SLC6A11: variants seen among roughly 807,000 people sequenced by gnomAD.
SLC6A11 encodes solute carrier family 6 member 11.
SLC6A11 carries 25 observed loss-of-function variants against 74.8 expected under a neutral mutation model. The observed-to-expected ratio is 0.33, with a 90% CI of 0.24 to 0.47. The LOEUF is 0.47. Among genes scored for constraint, SLC6A11 ranks in the 20% least tolerant of loss-of-function variants. The pLI is 1.00. For missense variants in SLC6A11, 574 were observed against 837.0 expected, an observed-to-expected ratio of 0.69 and a Z score of 3.88; for synonymous variants, 330 against 330.2, an observed-to-expected ratio of 1.00 and a Z score of 0.01.
At position 10,840,651 on chromosome 3, in the gene SLC6A11, G is replaced by A. The variant is rs1039644544; in HGVS notation, c.624-3563G>A. Among the ~76,000 whole-genome samples the A allele has an allele frequency of 3.3e-5, 5 of 152,320 alleles. No individual in the cohort carries two copies. In the South Asian group the frequency reaches 6.2e-4, roughly 19 times the overall value. On this transcript the variant is annotated intron_variant, in intron 4 of 13. Transcript: ENST00000254488. ...GGCAGCTTTGGGGTATGCATTTACC[G>A]TAGCTTTAATTTGTTAAGAAGGGAA...
rs190495567 is a variant in SLC6A11, at chr3:10,899,282, G to T, written c.892-12808G>T. On this transcript the variant is annotated intron_variant, in intron 6 of 13. Coordinates refer to ENST00000254488, the MANE Select transcript of SLC6A11 (RefSeq NM_014229.3). ...AGGACTGGAGTTCTCAGCCAGGGAGGAGACTCTTCCACTGTTGACTGTGCC... is the reference window on the plus strand; with the variant it reads ...AGGACTGGAGTTCTCAGCCAGGGAGTAGACTCTTCCACTGTTGACTGTGCC... Among the ~76,000 whole-genome samples the T allele has an allele frequency of 2.2e-3, 332 of 152,270 alleles. 1 individual carries two copies. The highest frequency in any genetic ancestry group is 7.7e-3 in the African/African-American group (319 of 41,560).
intron 6 of SLC6A11, among the ~76,000 whole-genome samples, chr3:10,895,041 T>C (rs1395780940): frequency 6.6e-6 from 1 of 152,202 alleles, no homozygotes; most frequent in Admixed American, 6.5e-5. Flanking sequence ...GGCCTTGTCT[T>C]CTTCCTCTGT....
Position 10,819,847 on chromosome 3 carries a change from A to G in SLC6A11, c.527A>G (p.Asn176Ser), listed in dbSNP as rs200219573. Reference protein sequence around the residue: ...LPWATCGHEWNTENCVEFQKL... With the variant: ...LPWATCGHEWSTENCVEFQKL... ...TGGGCTACCTGTGGGCATGAGTGGA[A>G]CACAGGTATGGCCCCACGGAGGTCT... Residue 176 changes from asparagine (N) to serine (S), a missense_variant, in exon 3 of 14, where the codon AAC (asparagine) becomes AGC (serine). Asn to Ser is a conservative substitution (Grantham distance 46). Around this residue, in one of 4 missense-constraint regions of SLC6A11, gnomAD observed 215 missense variants for 357.9 expected, o/e 0.60. Coordinates refer to ENST00000254488, the MANE Select transcript of SLC6A11 (RefSeq NM_014229.3). 1.2e-6 allele frequency: 2 copies of G among 1,613,936 alleles called. No individual in the cohort carries two copies. Among genetic ancestry groups the G allele is most frequent in the Non-Finnish European group, 1.7e-6 (2 of 1,179,918 alleles).
intron 5 of SLC6A11, among the ~76,000 whole-genome samples, chr3:10,852,058 TAAAAG>T (rs953873830): frequency 6.6e-6 from 1 of 151,956 alleles, no homozygotes; most frequent in Non-Finnish European, 1.5e-5. Context: ...ACTGGGGAAA[TAAAAG>T]GAAGGGATGT....
At chr3:10,848,870 A>G (rs1476909660) in intron 5 of SLC6A11, among the ~76,000 whole-genome samples, 1 of 152,186 alleles carries the variant, frequency 6.6e-6, no homozygotes, top group East Asian at 1.9e-4. Flanking sequence ...TTATTTTACA[A>G]ATAAGGCCCA....
At position 10,855,505 on chromosome 3, in the gene SLC6A11, T is replaced by TATCAGCAGC. The variant is rs1694628533; in HGVS notation, c.756+11161_756+11169dup. ...GTCTCCTCACTCCTGCCATAGCTCTTATCAGCAGCAGCATCCAGCTGAGCA... is the reference window on the plus strand; with the variant it reads ...GTCTCCTCACTCCTGCCATAGCTCTTATCAGCAGCATCAGCAGCAGCATCCAGCTGAGCA... On this transcript the variant is annotated intron_variant, in intron 5 of 13. Transcript: ENST00000254488. Among the ~76,000 whole-genome samples, 3 of 152,196 alleles carry TATCAGCAGC rather than the reference T, an allele frequency of 2.0e-5. No homozygotes were observed. In the South Asian group the frequency reaches 6.2e-4, roughly 32 times the overall value.
At chr3:10,838,256 G>A (rs942942286) in intron 4 of SLC6A11, among the ~76,000 whole-genome samples, 3 of 152,236 alleles carry the variant, frequency 2.0e-5, no homozygotes, top group African/African-American at 7.2e-5. Context: ...GAAGCTTCAG[G>A]TGGGAGACTG....
At chr3:10,908,707 T>C (rs1255196762) in intron 6 of SLC6A11, among the ~76,000 whole-genome samples, 1 of 152,146 alleles carries the variant, frequency 6.6e-6, no homozygotes, top group Non-Finnish European at 1.5e-5. Context: ...GAGTGCTATG[T>C]AAAATTGAGT....
Position 10,826,516 on chromosome 3 carries a change from T to C in SLC6A11, c.623+3124T>C, listed in dbSNP as rs113935725. Among the ~76,000 whole-genome samples the C allele has an allele frequency of 2.6e-3, 395 of 152,362 alleles. 6 individuals carry two copies. Among genetic ancestry groups the C allele is most frequent in the African/African-American group, 9.1e-3 (380 of 41,588 alleles). On this transcript the variant is annotated intron_variant, in intron 4 of 13. Coordinates refer to ENST00000254488, the MANE Select transcript of SLC6A11 (RefSeq NM_014229.3). ...TGTTGTTTTTGCACCACTCATTTCC[T>C]TTGTAACATATATGGAAAACCTTAA...
At chr3:10,892,140 C>A (rs915418265) in intron 6 of SLC6A11, among the ~76,000 whole-genome samples, 10 of 152,230 alleles carry the variant, frequency 6.6e-5, no homozygotes, top group African/African-American at 2.4e-4. Context: ...GTCTTTGATA[C>A]CTCTTAGTTG....
intron 5 of SLC6A11, among the ~76,000 whole-genome samples, chr3:10,862,657 T>A (rs1694716257): frequency 6.6e-6 from 1 of 152,232 alleles, no homozygotes; most frequent in African/African-American, 2.4e-5. Flanking sequence ...TGTAGCACAT[T>A]CTAGATCAGG....
At chr3:10,834,727 A>G (rs1174272508) in intron 4 of SLC6A11, among the ~76,000 whole-genome samples, 1 of 152,128 alleles carries the variant, frequency 6.6e-6, no homozygotes, top group Non-Finnish European at 1.5e-5. Flanking sequence ...GGGCAACCTG[A>G]CCTTTTCACT....
chr3:10,863,436 A>G (rs1019890476), intron 5 of SLC6A11, among the ~76,000 whole-genome samples: 1 of 152,222 alleles, frequency 6.6e-6, no homozygotes, highest in Non-Finnish European at 1.5e-5. Flanking sequence ...TGCTATCCCC[A>G]TTTTATAGAA....
chr3:10,891,135 T>G (rs111536815), intron 6 of SLC6A11, among the ~76,000 whole-genome samples: 224 of 152,346 alleles, frequency 1.5e-3, no homozygotes, highest in African/African-American at 5.1e-3. Flanking sequence ...GACTTCTATT[T>G]GCTCAGATGT....
At chr3:10,831,494 T>C (rs534122999) in intron 4 of SLC6A11, among the ~76,000 whole-genome samples, 1 of 150,982 alleles carries the variant, frequency 6.6e-6, no homozygotes, top group African/African-American at 2.5e-5. Context: ...TGTAGCATGT[T>C]GTATATGATA....
chr3:10,882,907 A>G (rs1694999525), intron 6 of SLC6A11, among the ~76,000 whole-genome samples: 1 of 152,196 alleles, frequency 6.6e-6, no homozygotes. Context: ...CATGAGGCCC[A>G]GAGCACCTCC....
intron 5 of SLC6A11, among the ~76,000 whole-genome samples, chr3:10,854,487 T>C (rs1004931259): frequency 3.3e-5 from 5 of 152,238 alleles, no homozygotes; most frequent in Admixed American, 6.5e-5. Context: ...CTCTAATCCT[T>C]AACATGTGTA....
intron 6 of SLC6A11, among the ~76,000 whole-genome samples, chr3:10,884,118 A>G (rs1695014849): frequency 6.6e-6 from 1 of 152,136 alleles, no homozygotes; most frequent in Admixed American, 6.5e-5. Context: ...TTCCTCTGTA[A>G]TTAGAGATGC....
intron 6 of SLC6A11, among the ~76,000 whole-genome samples, chr3:10,904,397 G>A (rs1030965014): frequency 1.3e-5 from 2 of 152,118 alleles, no homozygotes; most frequent in East Asian, 3.9e-4. Context: ...TTCTAAAGGG[G>A]CCCCACTCCC....
Sources: gnomAD v4.1 joint callset for allele counts (sites outside exome capture counted in the v4.1 genomes callset) on GRCh38, gnomAD v4.1.1 for gene constraint, gnomAD v4.1.1 regional missense constraint, MANE v1.5 for transcripts, NCBI Gene and HGNC (gene_info 2026-07-23, HGNC 2026-07-21) for gene names.